MAST4: variants seen among roughly 807,000 people sequenced by gnomAD.
MAST4 encodes microtubule associated serine/threonine kinase family member 4.
In MAST4, 89 loss-of-function variants were observed where a neutral mutation model predicts 162.7. That is an observed-to-expected ratio of 0.55 (90% CI 0.46 to 0.65). The LOEUF (loss-of-function observed/expected upper bound fraction) is 0.65. MAST4 is among the 30% of genes least tolerant of loss of function. MAST4 has a pLI of 0.00. For missense variants in MAST4, 3,153 were observed against 3,374.0 expected (o/e 0.93, Z 1.62); for synonymous variants, 1,479 against 1,361.1 (o/e 1.09, Z -1.91).
chr5:67,048,408 CAA>C (rs1471276670), intron 4 of MAST4, among the ~76,000 whole-genome samples: 3 of 151,866 alleles, frequency 2.0e-5, no homozygotes, highest in Non-Finnish European at 2.9e-5. Flanking sequence ...ATAATTCATC[CAA>C]AAGTCAAAAA....
At chr5:66,768,196 T>G (rs1754190445) in intron 2 of MAST4, among the ~76,000 whole-genome samples, 1 of 152,214 alleles carries the variant, frequency 6.6e-6, no homozygotes, top group Non-Finnish European at 1.5e-5. Flanking sequence ...TGGAAGGGTA[T>G]GAAGGGTCAG....
chr5:66,712,720 C>A (rs1226801662), intron 1 of MAST4, among the ~76,000 whole-genome samples: 1 of 151,976 alleles, frequency 6.6e-6, no homozygotes, highest in Non-Finnish European at 1.5e-5. Flanking sequence ...ATGTTCTTTG[C>A]CGAAAAAGTA....
At chr5:66,933,210 A>G (rs561934013) in intron 4 of MAST4, among the ~76,000 whole-genome samples, 1 of 152,238 alleles carries the variant, frequency 6.6e-6, no homozygotes, top group East Asian at 1.9e-4. Context: ...CCTTCATTGC[A>G]CTTATATGCC....
At chr5:67,139,334 C>T (rs1316356843) in intron 19 of MAST4, among the ~76,000 whole-genome samples, 1 of 152,214 alleles carries the variant, frequency 6.6e-6, no homozygotes, top group Non-Finnish European at 1.5e-5. Context: ...GTGTGAAGAA[C>T]ATAATGGATG....
At chr5:66,974,817 AAG>A (rs1747922806) in intron 4 of MAST4, among the ~76,000 whole-genome samples, 1 of 152,186 alleles carries the variant, frequency 6.6e-6, no homozygotes, top group Non-Finnish European at 1.5e-5. Context: ...TGCAAAGTAT[AAG>A]AGTTGTTTCT....
rs534708160 is a variant in MAST4 at position 66,641,767 on chromosome 5, A to G, written c.363+44749A>G. Among the ~76,000 whole-genome samples, 79 of 151,784 alleles carry G rather than the reference A, an allele frequency of 5.2e-4. No individual in the cohort carries two copies. The South Asian group carries it at 0.015, about 29-fold the overall frequency. On this transcript the variant is annotated intron_variant, in intron 1 of 28. Transcript: ENST00000403625. ...TAAATGTGACAGTTTGGAGATCAAT[A>G]AAAATAACAACTATAGAGGGTTGAA...
At chr5:66,927,096 T>G (rs1287996572) in intron 4 of MAST4, among the ~76,000 whole-genome samples, 1 of 152,218 alleles carries the variant, frequency 6.6e-6, no homozygotes, top group Non-Finnish European at 1.5e-5. Flanking sequence ...CTCGTTTTCT[T>G]TTATCATTAA....
intron 3 of MAST4, among the ~76,000 whole-genome samples, chr5:66,805,812 G>A (rs1318204889): frequency 6.6e-6 from 1 of 152,298 alleles, no homozygotes; most frequent in South Asian, 2.1e-4. Context: ...CAAAGGCTGG[G>A]GATGTTTTCA....
intron 4 of MAST4, among the ~76,000 whole-genome samples, chr5:66,909,956 G>T (rs946281046): frequency 6.6e-6 from 1 of 152,168 alleles, no homozygotes; most frequent in Non-Finnish European, 1.5e-5. Flanking sequence ...TGCCGTGATT[G>T]TTGGGACTCT....
Position 67,090,165 on chromosome 5 carries a change from A to G in MAST4, c.767A>G (p.Asn256Ser). The G allele has an allele frequency of 6.2e-7, 1 of 1,608,044 alleles. No homozygotes were observed. Among genetic ancestry groups the G allele is most frequent in the Middle Eastern group, 1.7e-4 (1 of 6,050 alleles). Residue 256 changes from asparagine to serine, a missense_variant, in exon 6 of 29, where the codon AAT (asparagine) becomes AGT (serine). By Grantham distance (46) the Asn-to-Ser change is conservative (BLOSUM62 1). Coordinates refer to ENST00000403625, the MANE Select transcript of MAST4 (RefSeq NM_001164664.2). ...PHSPLSAHAG[N>S]SPQDSPRNFS... ...TCTCTCTTTTCTCTTTCTCTAGGAA[A>G]TAGCCCTCAAGATAGTCCAAGAAAT...
At chr5:66,860,463 T>C (rs1760017290) in intron 3 of MAST4, among the ~76,000 whole-genome samples, 1 of 152,214 alleles carries the variant, frequency 6.6e-6, no homozygotes, top group African/African-American at 2.4e-5. Flanking sequence ...CTTATAGCTA[T>C]AGGTCATGGA....
chr5:66,712,332 C>CT (rs1385258928), intron 1 of MAST4, among the ~76,000 whole-genome samples: 1 of 152,130 alleles, frequency 6.6e-6, no homozygotes, highest in African/African-American at 2.4e-5. Context: ...TGCCAGATGT[C>CT]TTTTATAAAG....
chr5:67,164,806 T>G lies in MAST4; in HGVS notation c.5627T>G (p.Phe1876Cys). The G allele has an allele frequency of 6.2e-7, 1 of 1,613,972 alleles. No homozygotes were observed. The highest frequency in any genetic ancestry group is 8.5e-7 in the Non-Finnish European group (1 of 1,179,892). The stretch of plus-strand genomic sequence containing the variant: ...AAATCCTACCTGCTGGAGCCTTGGT[T>G]CCTGCCCCCCAGCCGAGGTCTCCAG... Reference protein sequence around the residue: ...MNKSYLLEPWFLPPSRGLQNS... With the variant: ...MNKSYLLEPWCLPPSRGLQNS... The change falls in exon 29 of 29, where the codon TTC becomes TGC. Residue 1876 changes from phenylalanine to cysteine, a missense_variant. Phe to Cys is a radical substitution (Grantham distance 205, BLOSUM62 -2). This residue lies in a region of MAST4 where 1,644 missense variants were observed against 1,495.0 expected (regional missense o/e 1.10). Coordinates refer to ENST00000403625, the MANE Select transcript of MAST4 (RefSeq NM_001164664.2). The surrounding 1 kb of genome is among the most constrained non-coding windows in gnomAD (Gnocchi z 5.3).
chr5:66,759,258 G>A (rs1218182868), intron 1 of MAST4, among the ~76,000 whole-genome samples: 1 of 152,184 alleles, frequency 6.6e-6, no homozygotes, highest in Non-Finnish European at 1.5e-5. Context: ...TCTCTACAGA[G>A]CGACAATCTT....
intron 3 of MAST4, among the ~76,000 whole-genome samples, chr5:66,890,637 G>C: frequency 6.6e-6 from 1 of 152,204 alleles, no homozygotes; most frequent in East Asian, 1.9e-4. Context: ...TCTGTGTTGT[G>C]TCTCTCCTAA....
At position 67,103,670 on chromosome 5, in the gene MAST4, A is replaced by G. The variant is rs1250846333; in HGVS notation, c.1147-696A>G. ...CAAGGGAGTCCCCTGGGACTTTTAC[A>G]TAGGATGTAGCTTTGTGGCAAAAGA... On this transcript the variant is annotated intron_variant, in intron 9 of 28. Transcript: ENST00000403625. Among the ~76,000 whole-genome samples, 3 of 152,220 alleles carry G rather than the reference A, an allele frequency of 2.0e-5. No individual in the cohort carries two copies. In the East Asian group the frequency reaches 5.8e-4, roughly 29 times the overall value.
intron 1 of MAST4, among the ~76,000 whole-genome samples, chr5:66,628,044 G>A (rs892319120): frequency 1.3e-5 from 2 of 151,618 alleles, no homozygotes; most frequent in Non-Finnish European, 2.9e-5. Flanking sequence ...GTTGTTTCTT[G>A]TTTTAGAGAC....
intron 3 of MAST4, among the ~76,000 whole-genome samples, chr5:66,841,680 A>G (rs960899493): frequency 6.6e-6 from 1 of 152,100 alleles, no homozygotes; most frequent in Non-Finnish European, 1.5e-5. Context: ...ATTACCTCCC[A>G]AAGGCCCCAT....
intron 4 of MAST4, among the ~76,000 whole-genome samples, chr5:66,980,359 A>AT (rs370467549): frequency 7.9e-4 from 120 of 152,356 alleles, no homozygotes; most frequent in African/African-American, 2.8e-3. Flanking sequence ...AAATTAGTTA[A>AT]AAAGGATAAG....
Sources: gnomAD v4.1 joint callset for allele counts (sites outside exome capture counted in the v4.1 genomes callset) on GRCh38, gnomAD v4.1.1 for gene constraint, gnomAD v4.1.1 regional missense constraint, Gnocchi (gnomAD v3.1) non-coding constraint, MANE v1.5 for transcripts, NCBI Gene and HGNC (gene_info 2026-07-23, HGNC 2026-07-21) for gene names.